Variants in MYEF2 observed in about 807,000 individuals in gnomAD.
MYEF2 encodes the protein myelin expression factor 2, also known as myelin gene expression factor 2.
A neutral mutation model predicts 75.2 loss-of-function variants in MYEF2; 37 were observed. The ratio of observed to expected loss-of-function variants is 0.49; its 90% CI spans 0.38 to 0.65. The LOEUF (loss-of-function observed/expected upper bound fraction) is 0.65, where lower values mean the gene tolerates loss of function less well. Ranked by LOEUF, MYEF2 falls within the 30% of genes least tolerant of loss-of-function variation. The pLI is 0.00. For missense variants in MYEF2, 634 were observed against 771.4 expected (o/e 0.82, Z 2.11); for synonymous variants, 195 against 241.6 (o/e 0.81, Z 1.79).
At position 48,151,116 on chromosome 15, in the gene MYEF2, T is replaced by C. The variant is rs752940122; in HGVS notation, c.1362A>G (p.Pro454=). 1 of 1,609,882 alleles carries C rather than the reference T, an allele frequency of 6.2e-7. No individual in the cohort carries two copies. Among genetic ancestry groups the C allele is most frequent in the Admixed American group, 1.7e-5 (1 of 59,646 alleles). Residue 454 remains proline (P), a synonymous_variant, in exon 14 of 17, where the codon CCA becomes CCG. Transcript: ENST00000324324. The part of the protein sequence containing the change: ...AGRIGSSNMG[P]VGSGISGGMG... ...TAAACCTACTTATTCCAGATCCTAC[T>C]GGACCCATGTTAGAAGATCCTATTC...
At chr15:48,148,538 C>G (rs2140825488) in intron 16 of MYEF2, among the ~76,000 whole-genome samples, 1 of 152,036 alleles carries the variant, frequency 6.6e-6, no homozygotes, top group African/African-American at 2.4e-5. Flanking sequence ...AGCTAGGTTT[C>G]CTGTGTTGGG....
At chr15:48,155,038 C>CA (rs1210452425) in intron 9 of MYEF2, among the ~76,000 whole-genome samples, 12 of 151,518 alleles carry the variant, frequency 7.9e-5, no homozygotes, top group African/African-American at 2.4e-4. Flanking sequence ...ATTTGTAAGA[C>CA]AAAAAAATAA....
At chr15:48,176,381 C>T (rs920179432) in intron 1 of MYEF2, among the ~76,000 whole-genome samples, 7 of 151,914 alleles carry the variant, frequency 4.6e-5, no homozygotes, top group East Asian at 1.9e-4. Context: ...AAGGGAGAGG[C>T]GAATTATAAG....
chr15:48,171,999 T>C (rs1020814455), intron 1 of MYEF2, among the ~76,000 whole-genome samples: 1 of 152,210 alleles, frequency 6.6e-6, no homozygotes, highest in African/African-American at 2.4e-5. Flanking sequence ...AGTTTTAATG[T>C]GTGATTTTAA....
Position 48,138,970 on chromosome 15 carries a change from T to TC in MYEF2, c.*3937dup. On this transcript the variant is annotated 3_prime_UTR_variant, in exon 17 of 17. Transcript: ENST00000324324. ...AAGTGTTTACTTTTTCCACAACAGA[T>TC]CCACCAAGTGTTTTCAACATGCCTG... is the stretch of plus-strand genomic sequence containing the variant. 6.2e-7 allele frequency: 1 copy of TC among 1,609,800 alleles called. No homozygotes were observed. The highest frequency in any genetic ancestry group is 8.5e-7 in the Non-Finnish European group (1 of 1,177,932).
rs569067927 is a variant in MYEF2, at chr15:48,141,195, T to G, written c.*1713A>C. The G allele has an allele frequency of 1.2e-6, 2 of 1,613,414 alleles. No homozygotes were observed. The highest frequency in any genetic ancestry group is 3.3e-5 in the Admixed American group (2 of 59,992). On this transcript the variant is annotated 3_prime_UTR_variant, in exon 17 of 17. Coordinates refer to ENST00000324324, the MANE Select transcript of MYEF2 (RefSeq NM_016132.5). The stretch of plus-strand genomic sequence containing the variant: ...CAAGCATACCAGACACAATTGCAAG[T>G]GTGTTGGTTGCAAGAAAAGGTAAGA...
At chr15:48,171,765 G>C (rs2040351230) in intron 1 of MYEF2, among the ~76,000 whole-genome samples, 1 of 152,072 alleles carries the variant, frequency 6.6e-6, no homozygotes, top group African/African-American at 2.4e-5. Flanking sequence ...AACTCTTAAG[G>C]AAATGATGCT....
At chr15:48,155,262 T>C (rs2039650648) in intron 9 of MYEF2, among the ~76,000 whole-genome samples, 1 of 151,966 alleles carries the variant, frequency 6.6e-6, no homozygotes, top group South Asian at 2.1e-4. Flanking sequence ...TGTACTTACA[T>C]TAAAATGAGA....
chr15:48,152,625 G>A (rs139802263), intron 10 of MYEF2: 137 of 225,984 alleles, frequency 6.1e-4, no homozygotes, highest in Non-Finnish European at 7.7e-5. Context: ...TTTTTTTCCA[G>A]CATAGACACA....
chr15:48,151,653 A>G, intron 12 of MYEF2, 82 bp from the exon 13 acceptor site: 1 of 1,342,258 alleles, frequency 7.5e-7, no homozygotes, highest in Non-Finnish European at 1.0e-6. Flanking sequence ...CTAAATTATG[A>G]AAAGACGCGT....
At chr15:48,167,301 G>A (rs1233120903) in intron 3 of MYEF2, 48 bp downstream of exon 3, 2 of 1,579,512 alleles carry the variant, frequency 1.3e-6, no homozygotes, top group Admixed American at 1.7e-5. Context: ...AAAGTAAACT[G>A]CTGAGGAACT....
intron 1 of MYEF2, among the ~76,000 whole-genome samples, chr15:48,173,461 T>C (rs1289638611): frequency 6.6e-6 from 1 of 152,142 alleles, no homozygotes; most frequent in African/African-American, 2.4e-5. Flanking sequence ...TGCTCACCAC[T>C]TCTATTCAAC....
At chr15:48,154,677 C>T (rs763439276) in intron 9 of MYEF2, among the ~76,000 whole-genome samples, 1 of 152,014 alleles carries the variant, frequency 6.6e-6, no homozygotes, top group African/African-American at 2.4e-5. Context: ...TCTTTGAAAA[C>T]ATTTAAAACC....
rs951571697 is a variant in MYEF2 at position 48,174,734 on chromosome 15, G to C, written c.161+3343C>G. On this transcript the variant is annotated intron_variant, in intron 1 of 16. Coordinates refer to ENST00000324324, the MANE Select transcript of MYEF2 (RefSeq NM_016132.5). ...ATCAGGGAAATACAACTCAAAACCA[G>C]ACTGCAATATCACTTCATACCTGTT... 2.0e-5 allele frequency among the ~76,000 whole-genome samples: 3 copies of C among 151,998 alleles called. No individual in the cohort carries two copies. In the East Asian group the frequency reaches 5.8e-4, roughly 29 times the overall value.
At chr15:48,168,565 T>C in intron 2 of MYEF2, 66 bp downstream of exon 2, 5 of 1,279,786 alleles carry the variant, frequency 3.9e-6, no homozygotes, top group Non-Finnish European at 5.5e-6. Flanking sequence ...ATAAAAATGT[T>C]TGTGTAGTTC....
chr15:48,134,891 C>T lies in MYEF2; in HGVS notation c.*8017G>A, dbSNP rs759318202. The T allele has an allele frequency of 7.5e-6, 12 of 1,609,496 alleles. No individual in the cohort carries two copies. The highest frequency in any genetic ancestry group is 3.3e-5 in the Admixed American group (2 of 59,864). ...TAACTTACCATATTACAGGTCTCAA[C>T]ACTATCATGTTGGCCCCTATTCAGA... On this transcript the variant is annotated 3_prime_UTR_variant, in exon 17 of 17. Coordinates refer to ENST00000324324, the MANE Select transcript of MYEF2 (RefSeq NM_016132.5).
At chr15:48,178,009 G>T in intron 1 of MYEF2, 68 bp downstream of exon 1, 2 of 1,530,264 alleles carry the variant, frequency 1.3e-6, no homozygotes, top group Non-Finnish European at 1.8e-6. Context: ...GGCACAGCCC[G>T]GCCTCTAGCC....
intron 13 of MYEF2, 103 bp downstream of exon 13, chr15:48,151,370 T>C: frequency 8.6e-7 from 1 of 1,168,974 alleles, no homozygotes; most frequent in Admixed American, 1.8e-5. Context: ...TAATAAGTTG[T>C]ATAAAACATT....
At chr15:48,151,648 T>C (rs1310976071) in intron 12 of MYEF2, 77 bp from the exon 13 acceptor site, 2 of 1,390,536 alleles carry the variant, frequency 1.4e-6, no homozygotes, top group Non-Finnish European at 2.0e-6. Context: ...TGTATCTAAA[T>C]TATGAAAAGA....
Sources: gnomAD v4.1 joint callset for allele counts (sites outside exome capture counted in the v4.1 genomes callset) on GRCh38, gnomAD v4.1.1 for gene constraint, MANE v1.5 for transcripts, NCBI Gene and HGNC (gene_info 2026-07-23, HGNC 2026-07-21) for gene names.